LHFPL4: variants seen among roughly 807,000 people sequenced by gnomAD.
LHFPL4 encodes the protein LHFPL tetraspan subfamily member 4 protein.
A neutral mutation model predicts 20.0 loss-of-function variants in LHFPL4; 6 were observed. That is an observed-to-expected ratio of 0.30 (90% CI 0.16 to 0.59). The LOEUF is 0.59. Among genes scored for constraint, LHFPL4 ranks in the 20% least tolerant of loss-of-function variants. The pLI, the probability that LHFPL4 is intolerant of heterozygous loss-of-function variation, is 0.88. For missense variants in LHFPL4, 215 were observed against 331.2 expected, an observed-to-expected ratio of 0.65 and a Z score of 2.72; for synonymous variants, 129 against 143.8, an observed-to-expected ratio of 0.90 and a Z score of 0.74.
chr3:9,508,070 G>T (rs1400954561), intron 2 of LHFPL4, among the ~76,000 whole-genome samples: 3 of 152,214 alleles, frequency 2.0e-5, no homozygotes, highest in Non-Finnish European at 2.9e-5. Flanking sequence ...TAAAGTGGGG[G>T]TGATGGTCAG....
At chr3:9,514,685 G>A (rs2046286202) in intron 2 of LHFPL4, among the ~76,000 whole-genome samples, 1 of 152,050 alleles carries the variant, frequency 6.6e-6, no homozygotes, top group African/African-American at 2.4e-5. Flanking sequence ...CCCAACCGTG[G>A]GCAACCACAC....
intron 2 of LHFPL4, among the ~76,000 whole-genome samples, chr3:9,531,065 G>A (rs1025614083): frequency 6.6e-6 from 1 of 152,196 alleles, no homozygotes; most frequent in Non-Finnish European, 1.5e-5. Context: ...GCCAGCAGGT[G>A]TAGCAATCAA....
At chr3:9,502,560 G>A (rs190753172) in intron 3 of LHFPL4, among the ~76,000 whole-genome samples, 62 of 152,220 alleles carry the variant, frequency 4.1e-4, no homozygotes, top group Admixed American at 3.4e-3. Context: ...AAAATTAGCC[G>A]GGCATGGTGG....
intron 2 of LHFPL4, among the ~76,000 whole-genome samples, chr3:9,514,078 T>C (rs1225923135): frequency 6.6e-6 from 1 of 152,186 alleles, no homozygotes; most frequent in Non-Finnish European, 1.5e-5. Context: ...TGCCATGGCA[T>C]AGTATTAATC....
intron 3 of LHFPL4, among the ~76,000 whole-genome samples, chr3:9,504,715 C>A (rs772191714): frequency 1.3e-5 from 2 of 151,660 alleles, no homozygotes; most frequent in African/African-American, 4.8e-5. Context: ...GTCCTAGCTA[C>A]TCAGGAGGCT....
intron 2 of LHFPL4, among the ~76,000 whole-genome samples, chr3:9,525,057 C>G (rs1006737375): frequency 2.0e-5 from 3 of 152,152 alleles, no homozygotes; most frequent in African/African-American, 4.8e-5. Flanking sequence ...TTTCCTTCCC[C>G]CAAGATCAGT....
intron 2 of LHFPL4, among the ~76,000 whole-genome samples, chr3:9,523,989 C>CA (rs1553647651): frequency 7.1e-6 from 1 of 141,392 alleles, no homozygotes; most frequent in Non-Finnish European, 1.5e-5. Context: ...TATTTCCCCC[C>CA]CCCCCAACAC....
intron 2 of LHFPL4, among the ~76,000 whole-genome samples, chr3:9,530,174 C>A (rs1258642175): frequency 1.3e-5 from 2 of 152,114 alleles, no homozygotes; most frequent in African/African-American, 2.4e-5. Flanking sequence ...TCCTTCGAAG[C>A]TTTAAAGCCA....
At chr3:9,541,580 T>C (rs966436722) in intron 2 of LHFPL4, among the ~76,000 whole-genome samples, 1 of 151,988 alleles carries the variant, frequency 6.6e-6, no homozygotes, top group African/African-American at 2.4e-5. Context: ...GAGACCAGCC[T>C]GGCCAACATG....
At chr3:9,534,329 T>G (rs2046432112) in intron 2 of LHFPL4, among the ~76,000 whole-genome samples, 2 of 152,226 alleles carry the variant, frequency 1.3e-5, no homozygotes, top group African/African-American at 2.4e-5. Context: ...CCCTTTGCAG[T>G]AGCATTCAAT....
intron 2 of LHFPL4, among the ~76,000 whole-genome samples, chr3:9,526,397 A>G (rs959876738): frequency 6.6e-6 from 1 of 152,194 alleles, no homozygotes; most frequent in Non-Finnish European, 1.5e-5. Flanking sequence ...TGTCATGTGT[A>G]TTTTACCACA....
chr3:9,502,215 G>C lies in LHFPL4; in HGVS notation c.740C>G (p.Pro247Arg), dbSNP rs1297912477. Reference protein sequence around the residue: ...LPCPVAHSQGP With the variant: ...LPCPVAHSQGR ...CTGGGCTGTGATCCTGGCCTTTCAG[G>C]GTCCCTGTGAGTGAGCCACGGGGCA... The change falls in exon 4 of 4, where the codon CCC becomes CGC. Residue 247 changes from proline to arginine, a missense_variant. Physicochemically the swap from Pro to Arg is moderately radical, Grantham distance 103 (BLOSUM62 -2). Transcript: ENST00000287585. 1.2e-6 allele frequency: 2 copies of C among 1,612,788 alleles called. No homozygotes were observed. Among genetic ancestry groups the C allele is most frequent in the Non-Finnish European group, 1.7e-6 (2 of 1,178,908 alleles).
intron 2 of LHFPL4, among the ~76,000 whole-genome samples, chr3:9,511,105 A>T (rs1242066488): frequency 1.3e-5 from 2 of 151,872 alleles, no homozygotes; most frequent in African/African-American, 4.8e-5. Context: ...TAATCCCAGG[A>T]CTTTGGGAGG....
intron 3 of LHFPL4, among the ~76,000 whole-genome samples, chr3:9,505,157 T>TAACCGAGGTGGGTTTGC: frequency 6.6e-6 from 1 of 152,238 alleles, no homozygotes; most frequent in African/African-American, 2.4e-5. Context: ...CATGGGTTTG[T>TAACCGAGGTGGGTTTGC]ACCCGAGGTG....
intron 2 of LHFPL4, among the ~76,000 whole-genome samples, chr3:9,530,523 C>G (rs2046402505): frequency 6.6e-6 from 1 of 152,228 alleles, no homozygotes; most frequent in African/African-American, 2.4e-5. Context: ...TAAAGGAATG[C>G]TGTGCTGGTT....
chr3:9,531,268 G>A (rs1244191298), intron 2 of LHFPL4, among the ~76,000 whole-genome samples: 1 of 152,224 alleles, frequency 6.6e-6, no homozygotes, highest in Non-Finnish European at 1.5e-5. Flanking sequence ...GGCACGTGCT[G>A]CAGGGAAAAT....
chr3:9,546,891 TAGATGGAG>T, intron 2 of LHFPL4, among the ~76,000 whole-genome samples: 1 of 152,334 alleles, frequency 6.6e-6, no homozygotes, highest in South Asian at 2.1e-4. Context: ...TCTATTTTTA[TAGATGGAG>T]AAACTGAGAT....
chr3:9,538,985 C>T (rs1260124280), intron 2 of LHFPL4, among the ~76,000 whole-genome samples: 1 of 152,088 alleles, frequency 6.6e-6, no homozygotes, highest in East Asian at 1.9e-4. Flanking sequence ...TAGATGTGAG[C>T]CACCACACCT....
At position 9,511,594 on chromosome 3, in the gene LHFPL4, A is replaced by G. The variant is rs61533005; in HGVS notation, c.407-5391T>C. 5.3e-3 allele frequency among the ~76,000 whole-genome samples: 800 copies of G among 152,356 alleles called. 12 individuals are homozygous for G. Among genetic ancestry groups the G allele is most frequent in the African/African-American group, 0.018 (759 of 41,578 alleles). ...TACTTTCAAAGAGAAGGAAACCAGG[A>G]TCATTTGCCATAAATAGAAAAACAC... On this transcript the variant is annotated intron_variant, in intron 2 of 3. Transcript: ENST00000287585.
Sources: allele counts gnomAD v4.1 joint callset (sites outside exome capture counted in the v4.1 genomes callset), GRCh38; gene constraint gnomAD v4.1.1; transcripts MANE v1.5; gene names NCBI Gene and HGNC (gene_info 2026-07-23, HGNC 2026-07-21).